FBXL7: variants seen among roughly 807,000 people sequenced by gnomAD.
The protein encoded by FBXL7 is F-box and leucine rich repeat protein 7, also known as F-box/LRR-repeat protein 7.
In FBXL7, 12 loss-of-function variants were observed where a neutral mutation model predicts 38.3. That is an observed-to-expected ratio of 0.31 (90% CI 0.20 to 0.51). The LOEUF is 0.51. Ranked by LOEUF, FBXL7 falls within the 20% of genes least tolerant of loss-of-function variation. The pLI, the probability that FBXL7 is intolerant of heterozygous loss-of-function variation, is 0.98. For synonymous variants in FBXL7, 297 were observed against 300.9 expected (o/e 0.99, Z 0.13); for missense variants, 567 against 676.4 (o/e 0.84, Z 1.79).
At chr5:15,575,303 G>A (rs2126458848) in intron 1 of FBXL7, among the ~76,000 whole-genome samples, 2 of 152,186 alleles carry the variant, frequency 1.3e-5, no homozygotes, top group South Asian at 4.1e-4. Flanking sequence ...TCTTTTTGTG[G>A]ACTTATTTAT....
intron 1 of FBXL7, among the ~76,000 whole-genome samples, chr5:15,579,620 C>A (rs939458951): frequency 6.6e-6 from 1 of 152,120 alleles, no homozygotes; most frequent in Admixed American, 6.5e-5. Context: ...TTCCAGACAA[C>A]CTTAAAAGTT....
chr5:15,613,535 A>G (rs1455987874), intron 1 of FBXL7, among the ~76,000 whole-genome samples: 3 of 152,156 alleles, frequency 2.0e-5, no homozygotes, highest in Admixed American at 1.3e-4. Context: ...ATTTGTTCAG[A>G]GCCTAAGTCC....
intron 2 of FBXL7, among the ~76,000 whole-genome samples, chr5:15,790,848 CT>C (rs201552290): frequency 0.066 from 10,073 of 152,228 alleles, 358 homozygotes; most frequent in Middle Eastern, 0.12. Context: ...TGTTAATGAG[CT>C]TTCTATGAGA....
chr5:15,634,710 T>C (rs1741127462), intron 2 of FBXL7, among the ~76,000 whole-genome samples: 1 of 152,116 alleles, frequency 6.6e-6, no homozygotes, highest in South Asian at 2.1e-4. Flanking sequence ...GTTCGGGAGG[T>C]CAGAAGTCTG....
intron 2 of FBXL7, among the ~76,000 whole-genome samples, chr5:15,637,980 A>G (rs1023918055): frequency 2.6e-5 from 4 of 152,226 alleles, no homozygotes; most frequent in African/African-American, 9.6e-5. Flanking sequence ...TCCTGACAAC[A>G]CAACCTGTTA....
intron 1 of FBXL7, among the ~76,000 whole-genome samples, chr5:15,604,080 A>T (rs1343199973): frequency 6.6e-6 from 1 of 152,106 alleles, no homozygotes; most frequent in Non-Finnish European, 1.5e-5. Context: ...AGGTTGCAGT[A>T]AGCTGAGATC....
chr5:15,868,996 C>T (rs985675766), intron 2 of FBXL7, among the ~76,000 whole-genome samples: 1 of 152,112 alleles, frequency 6.6e-6, no homozygotes, highest in Non-Finnish European at 1.5e-5. Flanking sequence ...GGCCAGGAAT[C>T]CAGGCACAGG....
intron 2 of FBXL7, among the ~76,000 whole-genome samples, chr5:15,892,785 G>C (rs1740953954): frequency 6.6e-6 from 1 of 152,168 alleles, no homozygotes; most frequent in Non-Finnish European, 1.5e-5. Flanking sequence ...TAACAATGCT[G>C]TGAGGTGGAA....
chr5:15,654,393 A>G lies in FBXL7; in HGVS notation c.127+38321A>G, dbSNP rs78640105. ...GGGATGGTCTGCCTTTTAATTCTGT[A>G]TGGGAGGAAAATTCATAAAAAACTG... On this transcript the variant is annotated intron_variant, in intron 2 of 3. Coordinates refer to ENST00000504595, the MANE Select transcript of FBXL7 (RefSeq NM_012304.5). Among the ~76,000 whole-genome samples the G allele has an allele frequency of 9.5e-5, 14 of 147,586 alleles. No homozygotes were observed. In the East Asian group the frequency reaches 2.7e-3, roughly 29 times the overall value.
chr5:15,898,108 C>A (rs1317812236), intron 2 of FBXL7, among the ~76,000 whole-genome samples: 1 of 152,132 alleles, frequency 6.6e-6, no homozygotes, highest in African/African-American at 2.4e-5. Context: ...CTGTCTTCAG[C>A]CTTGTTTAGT....
At chr5:15,710,616 A>G (rs1469317126) in intron 2 of FBXL7, among the ~76,000 whole-genome samples, 1 of 152,160 alleles carries the variant, frequency 6.6e-6, no homozygotes, top group Non-Finnish European at 1.5e-5. Context: ...CCATGAATGC[A>G]TGCATTTTGT....
intron 1 of FBXL7, among the ~76,000 whole-genome samples, chr5:15,501,075 G>C (rs1247328660): frequency 1.3e-5 from 2 of 152,178 alleles, no homozygotes; most frequent in Non-Finnish European, 2.9e-5. Flanking sequence ...AAATAACTCA[G>C]TGAAAACTTT....
At chr5:15,544,843 A>G (rs1737855741) in intron 1 of FBXL7, among the ~76,000 whole-genome samples, 1 of 152,216 alleles carries the variant, frequency 6.6e-6, no homozygotes, top group South Asian at 2.1e-4. Context: ...TGTGAATTGC[A>G]TCTTCATCTG....
intron 2 of FBXL7, among the ~76,000 whole-genome samples, chr5:15,867,413 A>C (rs1001092227): frequency 6.6e-6 from 1 of 152,186 alleles, no homozygotes; most frequent in African/African-American, 2.4e-5. Context: ...AGTTGGTGTC[A>C]GTCCCATAAA....
At chr5:15,741,905 C>CAGTT (rs1735903002) in intron 2 of FBXL7, among the ~76,000 whole-genome samples, 1 of 152,052 alleles carries the variant, frequency 6.6e-6, no homozygotes, top group African/African-American at 2.4e-5. Flanking sequence ...GGCCAGGAGA[C>CAGTT]AGTTATACCA....
chr5:15,718,427 C>G (rs1379473933), intron 2 of FBXL7, among the ~76,000 whole-genome samples: 1 of 152,150 alleles, frequency 6.6e-6, no homozygotes, highest in Non-Finnish European at 1.5e-5. Context: ...CTGCTCTAAT[C>G]TTTTATAAGA....
intron 2 of FBXL7, among the ~76,000 whole-genome samples, chr5:15,823,102 G>A (rs984733174): frequency 3.9e-5 from 6 of 152,128 alleles, no homozygotes; most frequent in African/African-American, 1.2e-4. Flanking sequence ...ATAACTAGAC[G>A]GGTCTGATGT....
chr5:15,825,217 G>C (rs1447359464), intron 2 of FBXL7, among the ~76,000 whole-genome samples: 1 of 152,042 alleles, frequency 6.6e-6, no homozygotes, highest in Non-Finnish European at 1.5e-5. Flanking sequence ...TGTTATGCTT[G>C]CTAATACGGC....
intron 2 of FBXL7, among the ~76,000 whole-genome samples, chr5:15,814,750 A>G (rs1262940877): frequency 6.6e-6 from 1 of 152,166 alleles, no homozygotes; most frequent in East Asian, 1.9e-4. Flanking sequence ...TGCATTAGGA[A>G]TCTCCAAGAA....
Sources: allele counts gnomAD v4.1 joint callset (sites outside exome capture counted in the v4.1 genomes callset), GRCh38; gene constraint gnomAD v4.1.1; transcripts MANE v1.5; gene names NCBI Gene and HGNC (gene_info 2026-07-23, HGNC 2026-07-21).